Variants in SELENOP observed in about 807,000 individuals in gnomAD.
The protein encoded by SELENOP is selenoprotein P, plasma, 1.
SELENOP carries 36 observed loss-of-function variants against 41.0 expected under a neutral mutation model. The observed-to-expected ratio is 0.88, with a 90% confidence interval of 0.67 to 1.16. The LOEUF (loss-of-function observed/expected upper bound fraction) is 1.16, where lower values mean the gene tolerates loss of function less well. Ranked by LOEUF, SELENOP falls within the 50% of genes most tolerant of loss-of-function variation. SELENOP has a pLI of 0.00. For synonymous variants in SELENOP, 144 were observed against 150.8 expected, an observed-to-expected ratio of 0.95 and a Z score of 0.33; for missense variants, 440 against 454.2, an observed-to-expected ratio of 0.97 and a Z score of 0.28.
chr5:42,800,586 C>T lies in SELENOP; in HGVS notation c.*134G>A. On this transcript the variant is annotated 3_prime_UTR_variant, in exon 5 of 5. Transcript: ENST00000514985. ...TGACATAAAATTTAAAATCTGGAAG[C>T]CAATTCAGTAGATTTCTCCATGTTT... The T allele has an allele frequency of 9.2e-7, 1 of 1,087,270 alleles. No individual in the cohort carries two copies. The highest frequency in any genetic ancestry group is 1.3e-6 in the Non-Finnish European group (1 of 776,124). 67.4% of individuals were successfully genotyped at this position (1,087,270 alleles called of 1,614,324 possible).
chr5:42,804,301 A>C (rs1760280209), intron 4 of SELENOP, among the ~76,000 whole-genome samples: 1 of 152,100 alleles, frequency 6.6e-6, no homozygotes, highest in Non-Finnish European at 1.5e-5. Flanking sequence ...CTCTACTAAA[A>C]ATACAAAAAA....
At chr5:42,808,620 A>C (rs1272673159) in intron 1 of SELENOP, among the ~76,000 whole-genome samples, 1 of 152,074 alleles carries the variant, frequency 6.6e-6, no homozygotes, top group African/African-American at 2.4e-5. Flanking sequence ...CCAAGAAGAA[A>C]GGGATAGGCC....
rs376550561 is a variant in SELENOP at position 42,800,560 on chromosome 5, A to T, written c.*160T>A. 6 of 827,300 alleles carry T rather than the reference A, an allele frequency of 7.3e-6. No individual in the cohort carries two copies. The highest frequency in any genetic ancestry group is 1.1e-5 in the Non-Finnish European group (6 of 551,630). 51.2% of individuals were successfully genotyped at this position (827,300 alleles called of 1,614,324 possible). A position where few individuals can be genotyped will look rare whatever the true frequency, so the allele number is the denominator to read the frequency against. The stretch of plus-strand genomic sequence containing the variant: ...AAATATGGTTTGAGTCAATATTTCT[A>T]TGACATAAAATTTAAAATCTGGAAG... On this transcript the variant is annotated 3_prime_UTR_variant, in exon 5 of 5. Transcript: ENST00000514985.
At chr5:42,809,112 A>G (rs981974906) in intron 1 of SELENOP, among the ~76,000 whole-genome samples, 1 of 152,118 alleles carries the variant, frequency 6.6e-6, no homozygotes, top group Non-Finnish European at 1.5e-5. Context: ...TCTCTTGGGT[A>G]TGGCTCCCTT....
chr5:42,803,776 A>C (rs1219866952), intron 4 of SELENOP, among the ~76,000 whole-genome samples: 2 of 152,224 alleles, frequency 1.3e-5, no homozygotes, highest in Non-Finnish European at 2.9e-5. Flanking sequence ...TCTCATAACA[A>C]AGAAGAAATA....
At chr5:42,804,248 G>T (rs1218475365) in intron 4 of SELENOP, among the ~76,000 whole-genome samples, 6 of 152,130 alleles carry the variant, frequency 3.9e-5, no homozygotes, top group South Asian at 4.1e-4. Context: ...TATCACAAGG[G>T]CTGGAGATCG....
chr5:42,801,246 T>C lies in SELENOP; in HGVS notation c.620A>G (p.His207Arg), dbSNP rs376679293. ...ATGTCCATGATTGTGATGATGCTCA[T>C]GATGGTAATGAGGCGATGGAGTTTC... ...TVETPSPHYH[H>R]EHHHNHGHQH... The change falls in exon 5 of 5, where the codon CAT (histidine) becomes CGT (arginine). Residue 207 changes from histidine to arginine, a missense_variant. By Grantham distance (29) the His-to-Arg change is conservative. Coordinates refer to ENST00000514985, the MANE Select transcript of SELENOP (RefSeq NM_005410.4). The C allele has an allele frequency of 4.3e-6, 7 of 1,614,048 alleles. No individual in the cohort carries two copies. Among genetic ancestry groups the C allele is most frequent in the Non-Finnish European group, 3.4e-6 (4 of 1,180,014 alleles).
chr5:42,804,761 A>C lies in SELENOP; in HGVS notation c.429T>G (p.Leu143=), dbSNP rs757849796. The C allele has an allele frequency of 1.9e-6, 3 of 1,593,348 alleles. No homozygotes were observed. The African/African-American group carries it at 4.0e-5, about 21-fold the overall frequency. Residue 143 remains leucine (L), a synonymous_variant, in exon 4 of 5, where the codon CTT becomes CTG. Coordinates refer to ENST00000514985, the MANE Select transcript of SELENOP (RefSeq NM_005410.4). ...AAAAAGGCAAACCAAGATGATATACAAGACGGCCACATCTAAGAAAAAGGA... is the reference window on the plus strand; with the variant it reads ...AAAAAGGCAAACCAAGATGATATACCAGACGGCCACATCTAAGAAAAAGGA... ...DFLIYDRCGR[L]VYHLGLPFSF...
In SELENOP at chr5:42,800,399, G is replaced by T. The variant is rs917600332; in HGVS notation, c.*321C>A. ...TGTTGTTCTTCCTCCATTCTAAACTGCTAATTATCCAACAGAAACCCCTAG... is the reference window on the plus strand; with the variant it reads ...TGTTGTTCTTCCTCCATTCTAAACTTCTAATTATCCAACAGAAACCCCTAG... On this transcript the variant is annotated 3_prime_UTR_variant, in exon 5 of 5. Coordinates refer to ENST00000514985, the MANE Select transcript of SELENOP (RefSeq NM_005410.4). 5.0e-6 allele frequency: 1 copy of T among 198,888 alleles called. No individual in the cohort carries two copies. Among genetic ancestry groups the T allele is most frequent in the African/African-American group, 2.3e-5 (1 of 42,938 alleles). 12.3% of individuals were successfully genotyped at this position (198,888 alleles called of 1,614,324 possible).
At chr5:42,807,496 T>C (rs1192290156) in intron 2 of SELENOP, 1 of 161,680 alleles carries the variant, frequency 6.2e-6, no homozygotes, top group Non-Finnish European at 1.4e-5. Flanking sequence ...CATTATTCAC[T>C]AAATACAGTA....
intron 4 of SELENOP, among the ~76,000 whole-genome samples, chr5:42,802,518 GA>G (rs1257474276): frequency 3.3e-5 from 5 of 152,094 alleles, no homozygotes; most frequent in Admixed American, 3.3e-4. Context: ...AACTTATAAA[GA>G]ATTTGATACA....
intron 3 of SELENOP, chr5:42,806,053 G>A (rs1684368833): frequency 6.6e-6 from 1 of 152,224 alleles, no homozygotes; most frequent in Admixed American, 6.5e-5. Context: ...TTACGGATAT[G>A]AGATAAATAT....
rs751411404 is a variant in SELENOP at position 42,800,953 on chromosome 5, G to A, written c.913C>T (p.Arg305Ter). The change falls in exon 5 of 5, where the codon CGA becomes TGA. Residue 305 changes from arginine to a stop codon, truncating the protein, a stop_gained. Coordinates refer to ENST00000514985, the MANE Select transcript of SELENOP (RefSeq NM_005410.4). LOFTEE classifies it high-confidence loss of function. ...LAPRSUCCHC[R>*]HLIFEKTGSA... Reference sequence around the variant, plus strand: ...CCTGTTTTTTCAAATATCAGATGTCGACAATGGCAGCATCAGCTCCTAGGA... The same window carrying A: ...CCTGTTTTTTCAAATATCAGATGTCAACAATGGCAGCATCAGCTCCTAGGA... 15 of 1,614,066 alleles carry A rather than the reference G, an allele frequency of 9.3e-6. No individual in the cohort carries two copies. Among genetic ancestry groups the A allele is most frequent in the Middle Eastern group, 1.6e-4 (1 of 6,084 alleles).
In SELENOP at chr5:42,808,257, C is replaced by A; in HGVS notation, c.97G>T (p.Ala33Ser). 1 of 1,572,822 alleles carries A rather than the reference C, an allele frequency of 6.4e-7. No individual in the cohort carries two copies. The highest frequency in any genetic ancestry group is 8.6e-7 in the Non-Finnish European group (1 of 1,159,196). The change falls in exon 2 of 5, where the codon GCC becomes TCC. Residue 33 changes from alanine (A) to serine (S), a missense_variant. Transcript: ENST00000514985. ...DQSSLCKQPP[A>S]WSIRDQDPML... ...GGATCTTGATCTCTTATGCTCCAGG[C>A]TGGGGGTTGCTTACATAAGGAGCTT... is the stretch of plus-strand genomic sequence containing the variant.
rs1760164534 is a variant in SELENOP, at chr5:42,800,680, T to C, written c.*40A>G. On this transcript the variant is annotated 3_prime_UTR_variant, in exon 5 of 5. Transcript: ENST00000514985. ...TATAAAAATGCTGGAAATGAAATTG[T>C]GTCTAGACTAAATTGGGGAGTATGT... The C allele has an allele frequency of 6.6e-7, 1 of 1,524,960 alleles. No individual in the cohort carries two copies. The highest frequency in any genetic ancestry group is 2.2e-5 in the Admixed American group (1 of 45,752). 94.5% of individuals were successfully genotyped at this position (1,524,960 alleles called of 1,614,324 possible). A position where few individuals can be genotyped will look rare whatever the true frequency, so the allele number is the denominator to read the frequency against.
Position 42,801,172 on chromosome 5 carries a change from G to C in SELENOP, c.694C>G (p.Pro232Ala). 1 of 1,614,100 alleles carries C rather than the reference G, an allele frequency of 6.2e-7. No homozygotes were observed. Among genetic ancestry groups the C allele is most frequent in the Non-Finnish European group, 8.5e-7 (1 of 1,180,012 alleles). ...GGAGCAGGATGAGTAGGAGCATTTGGTGCTCCTGGTTGCTGATTCTCTGAA... is the reference window on the plus strand; with the variant it reads ...GGAGCAGGATGAGTAGGAGCATTTGCTGCTCCTGGTTGCTGATTCTCTGAA... ...ELSENQQPGA[P>A]NAPTHPAPPG... The change falls in exon 5 of 5, where the codon CCA (proline) becomes GCA (alanine). Residue 232 changes from proline to alanine, a missense_variant. By Grantham distance (27) the Pro-to-Ala change is conservative. Transcript: ENST00000514985.
chr5:42,801,064 CT>C lies in SELENOP; in HGVS notation c.801del (p.Asp268IlefsTer?). 2 of 1,614,158 alleles carry C rather than the reference CT, an allele frequency of 1.2e-6. No individual in the cohort carries two copies. Among genetic ancestry groups the C allele is most frequent in the Non-Finnish European group, 8.5e-7 (1 of 1,180,020 alleles). On this transcript the variant is annotated frameshift_variant, in exon 5 of 5. Transcript: ENST00000514985. LOFTEE classifies it high-confidence loss of function. Reference protein sequence around the residue: ...HPENRDMPASEDLQDLQKKLC... With the variant: ...HPENRDMPASXDLQDLQKKLC... ...AGCTTCTTTTGTAAATCTTGTAAAT[CT>C]TCACTTGCTGGCATATCTCGGTTCT...
chr5:42,806,872 A>G (rs1373842572), intron 3 of SELENOP, 24 bp downstream of exon 3: 1 of 1,338,474 alleles, frequency 7.5e-7, no homozygotes, highest in Non-Finnish European at 1.1e-6. Context: ...TAAATTTGGG[A>G]TGTGTTTGTG....
intron 3 of SELENOP, 95 bp downstream of exon 3, chr5:42,806,801 C>G (rs540155156): frequency 1.5e-5 from 9 of 619,314 alleles, no homozygotes; most frequent in Non-Finnish European, 2.5e-5. Context: ...TTGTATTTAA[C>G]AGTAAAGAAG....
Sources: gnomAD v4.1 joint callset for allele counts (sites outside exome capture counted in the v4.1 genomes callset) on GRCh38, gnomAD v4.1.1 for gene constraint, MANE v1.5 for transcripts, NCBI Gene and HGNC (gene_info 2026-07-23, HGNC 2026-07-21) for gene names.